SEMA3A: variants seen among roughly 807,000 people sequenced by gnomAD.
The protein encoded by SEMA3A is semaphorin-3A.
In SEMA3A, 29 loss-of-function variants were observed where a neutral mutation model predicts 97.9. The ratio of observed to expected loss-of-function variants is 0.30; its 90% CI spans 0.22 to 0.40. The LOEUF (loss-of-function observed/expected upper bound fraction) is 0.40. Among genes scored for constraint, SEMA3A ranks in the 10% least tolerant of loss-of-function variants. The pLI, the probability that SEMA3A is intolerant of heterozygous loss-of-function variation, is 1.00. For synonymous variants in SEMA3A, 321 were observed against 323.7 expected (o/e 0.99, Z 0.09); for missense variants, 763 against 951.3 (o/e 0.80, Z 2.60).
intron 1 of SEMA3A, among the ~76,000 whole-genome samples, chr7:84,477,748 A>G (rs1329189546): frequency 6.6e-6 from 1 of 152,184 alleles, no homozygotes; most frequent in Admixed American, 6.5e-5. Flanking sequence ...GCATATGTCT[A>G]TCTCTGAGAG....
chr7:84,369,725 G>T (rs1455243289), intron 2 of SEMA3A, among the ~76,000 whole-genome samples: 1 of 148,900 alleles, frequency 6.7e-6, no homozygotes, highest in Non-Finnish European at 1.5e-5. Flanking sequence ...AAGACTCACA[G>T]GTATGCCATT....
intron 3 of SEMA3A, among the ~76,000 whole-genome samples, chr7:84,210,512 GA>G (rs1562854047): frequency 6.6e-6 from 1 of 152,106 alleles, no homozygotes; most frequent in African/African-American, 2.4e-5. Context: ...AAATAGGAGA[GA>G]AAAGAGAAAT....
At chr7:84,377,870 T>C in intron 1 of SEMA3A, among the ~76,000 whole-genome samples, 1 of 152,188 alleles carries the variant, frequency 6.6e-6, no homozygotes, top group East Asian at 1.9e-4. Flanking sequence ...TAATTTATTC[T>C]GGAGGACCTC....
intron 3 of SEMA3A, among the ~76,000 whole-genome samples, chr7:84,299,605 A>C (rs1457420217): frequency 1.3e-5 from 2 of 151,752 alleles, no homozygotes; most frequent in Non-Finnish European, 2.9e-5. Context: ...TGGACAGCTT[A>C]GAATTACTTG....
chr7:84,424,659 TATA>T (rs1462471570), intron 1 of SEMA3A, among the ~76,000 whole-genome samples: 71 of 94,164 alleles, frequency 7.5e-4, no homozygotes, highest in African/African-American at 2.9e-3. Flanking sequence ...TTATATATTA[TATA>T]ATATGTTATA....
intron 1 of SEMA3A, among the ~76,000 whole-genome samples, chr7:84,171,001 TTTTGC>T (rs1797367340): frequency 6.6e-6 from 1 of 151,988 alleles, no homozygotes; most frequent in Non-Finnish European, 1.5e-5. Context: ...AACAGCTCAA[TTTTGC>T]TCATTGAGTT....
chr7:84,376,260 T>C (rs1327119660), intron 1 of SEMA3A, among the ~76,000 whole-genome samples: 2 of 152,132 alleles, frequency 1.3e-5, no homozygotes, highest in Non-Finnish European at 2.9e-5. Flanking sequence ...TTGAGGAACT[T>C]TCACACTGTT....
intron 1 of SEMA3A, among the ~76,000 whole-genome samples, chr7:84,182,057 A>G (rs1482986310): frequency 1.3e-5 from 2 of 152,266 alleles, no homozygotes; most frequent in East Asian, 3.9e-4. Context: ...TCTGTTAGAC[A>G]AAAGCCCCTT....
intron 3 of SEMA3A, among the ~76,000 whole-genome samples, chr7:84,268,636 G>C (rs1483480347): frequency 6.6e-6 from 1 of 151,998 alleles, no homozygotes; most frequent in African/African-American, 2.4e-5. Flanking sequence ...CCACCCTCAG[G>C]GTTATGAACA....
At chr7:84,397,549 T>G (rs1803771265) in intron 1 of SEMA3A, among the ~76,000 whole-genome samples, 1 of 150,538 alleles carries the variant, frequency 6.6e-6, no homozygotes, top group East Asian at 1.9e-4. Context: ...ATAGTGTGCA[T>G]AGTATAATTT....
Position 83,958,639 on chromosome 7 carries a change from C to T in SEMA3A, c.*2732G>A, listed in dbSNP as rs1788355039. Reference sequence around the variant, plus strand: ...TACTTATAGAAAGTTTTATTTTACACTGTTCTTCCTCTTTTTCTCCCAAAT... The same window carrying T: ...TACTTATAGAAAGTTTTATTTTACATTGTTCTTCCTCTTTTTCTCCCAAAT... On this transcript the variant is annotated 3_prime_UTR_variant, in exon 17 of 17. Transcript: ENST00000265362. 1 of 152,486 alleles carries T rather than the reference C, an allele frequency of 6.6e-6. No homozygotes were observed. The highest frequency in any genetic ancestry group is 1.5e-5 in the Non-Finnish European group (1 of 67,946). 9.4% of individuals were successfully genotyped at this position (152,486 alleles called of 1,614,324 possible).
chr7:84,298,242 C>T (rs999729817), intron 3 of SEMA3A, among the ~76,000 whole-genome samples: 12 of 151,962 alleles, frequency 7.9e-5, no homozygotes, highest in Admixed American at 3.3e-4. Context: ...TTAAATAAAC[C>T]TATGAAAATT....
intron 1 of SEMA3A, among the ~76,000 whole-genome samples, chr7:84,384,475 T>A (rs1051836982): frequency 1.3e-5 from 2 of 152,204 alleles, no homozygotes; most frequent in Non-Finnish European, 2.9e-5. Flanking sequence ...ACAGAGTATG[T>A]TAGTCAGGAA....
At chr7:84,249,368 CATCTATCT>C (rs60537339) in intron 3 of SEMA3A, among the ~76,000 whole-genome samples, 1,897 of 143,220 alleles carry the variant, frequency 0.013, 43 homozygotes, top group African/African-American at 0.04. Context: ...CTCTGTCTAT[CATCTATCT>C]ATCTATCTAT....
Position 84,005,467 on chromosome 7 carries a change from T to C in SEMA3A, c.1232A>G (p.Asn411Ser). Residue 411 changes from asparagine to serine, a missense_variant, in exon 11 of 17, where the codon AAT becomes AGT. Asn to Ser is a conservative substitution (Grantham distance 46). Coordinates refer to ENST00000265362, the MANE Select transcript of SEMA3A (RefSeq NM_006080.3). ...TFARSHPAMY[N>S]PVFPMNNRPI... ...GCGATTGTTCATAGGAAACACTGGA[T>C]TGTACATGGCTGGATGACTTCTTGC... 2 of 1,614,012 alleles carry C rather than the reference T, an allele frequency of 1.2e-6. No individual in the cohort carries two copies. Among genetic ancestry groups the C allele is most frequent in the Non-Finnish European group, 1.7e-6 (2 of 1,179,902 alleles).
chr7:84,382,153 A>G (rs1224459315), intron 1 of SEMA3A, among the ~76,000 whole-genome samples: 4 of 151,962 alleles, frequency 2.6e-5, no homozygotes, highest in Admixed American at 1.3e-4. Flanking sequence ...TGTCGCCCAG[A>G]CTAGTGTGCA....
At chr7:84,103,956 T>C (rs181767666) in intron 4 of SEMA3A, among the ~76,000 whole-genome samples, 21 of 152,152 alleles carry the variant, frequency 1.4e-4, no homozygotes, top group African/African-American at 4.6e-4. Flanking sequence ...GAAATATGTG[T>C]AAGGGAATCA....
In SEMA3A at chr7:84,150,668, C is replaced by A. The variant is rs1403876344; in HGVS notation, c.113-15717G>T. Among the ~76,000 whole-genome samples the A allele has an allele frequency of 2.6e-5, 4 of 152,228 alleles. No homozygotes were observed. The South Asian group carries it at 6.2e-4, about 24-fold the overall frequency. On this transcript the variant is annotated intron_variant, in intron 1 of 16. Transcript: ENST00000265362. ...GGCGGCAGTGAGGATGGGGGAGGGG[C>A]GCCCGCCATTGCCCAGGCTTGATTA...
chr7:84,130,155 G>C (rs959985052), intron 2 of SEMA3A, among the ~76,000 whole-genome samples: 1 of 151,918 alleles, frequency 6.6e-6, no homozygotes, highest in Non-Finnish European at 1.5e-5. Flanking sequence ...TGGGAAAAAA[G>C]TCATATATAA....
Sources: gnomAD v4.1 joint callset for allele counts (sites outside exome capture counted in the v4.1 genomes callset) on GRCh38, gnomAD v4.1.1 for gene constraint, MANE v1.5 for transcripts, NCBI Gene and HGNC (gene_info 2026-07-23, HGNC 2026-07-21) for gene names.